The following ZFAND3 variants were observed in gnomAD, a reference collection of about 807,000 sequenced individuals.
ZFAND3 encodes the protein AN1-type zinc finger protein 3.
ZFAND3 carries 10 observed loss-of-function variants against 29.6 expected under a neutral mutation model. That is an observed-to-expected ratio of 0.34 (90% confidence interval 0.21 to 0.57). ZFAND3 has a LOEUF of 0.57. Ranked by LOEUF, ZFAND3 falls within the 20% of genes least tolerant of loss-of-function variation. The probability of loss-of-function intolerance (pLI) is 0.86; values close to 1 mark genes in which losing one functional copy is unlikely to be tolerated. For missense variants in ZFAND3, 230 were observed against 304.5 expected, an observed-to-expected ratio of 0.76 and a Z score of 1.82; for synonymous variants, 128 against 112.6, an observed-to-expected ratio of 1.14 and a Z score of -0.87.
intron 5 of ZFAND3, among the ~76,000 whole-genome samples, chr6:38,148,961 C>T (rs182856893): frequency 1.1e-4 from 17 of 152,220 alleles, no homozygotes; most frequent in African/African-American, 3.9e-4. Flanking sequence ...AGAGTTTCCC[C>T]CAAAGTTTTC....
chr6:37,978,376 T>A (rs1466358575), intron 2 of ZFAND3, among the ~76,000 whole-genome samples: 1 of 152,214 alleles, frequency 6.6e-6, no homozygotes, highest in East Asian at 1.9e-4. Flanking sequence ...TCATCATGGA[T>A]GTTGGTCTGT....
At position 38,144,204 on chromosome 6, in the gene ZFAND3, T is replaced by TA. The variant is rs1554183984; in HGVS notation, c.530-8030dup. On this transcript the variant is annotated intron_variant, in intron 5 of 5. Transcript: ENST00000287218. ...TATATAATATATATATATATATATATATATATAATATATAATATATATATA... is the reference window on the plus strand; with the variant it reads ...TATATAATATATATATATATATATATAATATATAATATATAATATATATATA... 6.2e-4 allele frequency among the ~76,000 whole-genome samples: 29 copies of TA among 47,048 alleles called. 2 individuals carry two copies. The highest frequency in any genetic ancestry group is 3.1e-3 in the African/African-American group (24 of 7,836). 30.9% of individuals were successfully genotyped at this position (47,048 alleles called of 152,430 possible).
At chr6:38,094,458 A>T (rs1246168083) in intron 4 of ZFAND3, among the ~76,000 whole-genome samples, 1 of 152,230 alleles carries the variant, frequency 6.6e-6, no homozygotes, top group East Asian at 1.9e-4. Context: ...AATAACTTGG[A>T]TATGATCCTA....
At chr6:38,024,312 A>T (rs1187848650) in intron 2 of ZFAND3, among the ~76,000 whole-genome samples, 1 of 151,950 alleles carries the variant, frequency 6.6e-6, no homozygotes, top group Non-Finnish European at 1.5e-5. Context: ...CTACTAAAAA[A>T]TACAAAGAAT....
chr6:38,080,025 A>G (rs917675300), intron 3 of ZFAND3, among the ~76,000 whole-genome samples: 3 of 151,752 alleles, frequency 2.0e-5, no homozygotes, highest in African/African-American at 7.3e-5. Context: ...CATTCTCTCA[A>G]ATGTTACACC....
chr6:38,053,832 A>G (rs967326505), intron 2 of ZFAND3, among the ~76,000 whole-genome samples: 4 of 152,198 alleles, frequency 2.6e-5, no homozygotes, highest in African/African-American at 9.7e-5. Flanking sequence ...GGGGGATACA[A>G]AATTAAGAAG....
chr6:38,106,148 G>T (rs1355608093), intron 4 of ZFAND3, among the ~76,000 whole-genome samples: 1 of 150,120 alleles, frequency 6.7e-6, no homozygotes, highest in Non-Finnish European at 1.5e-5. Flanking sequence ...ACATACAAAT[G>T]ACATTCTTTT....
In ZFAND3 at chr6:37,889,884, A is replaced by G. The variant is rs144492320; in HGVS notation, c.72-40075A>G. Among the ~76,000 whole-genome samples, 772 of 152,380 alleles carry G rather than the reference A, an allele frequency of 5.1e-3. 9 individuals carry two copies. The highest frequency in any genetic ancestry group is 0.017 in the African/African-American group (725 of 41,594). On this transcript the variant is annotated intron_variant, in intron 1 of 5. Coordinates refer to ENST00000287218, the MANE Select transcript of ZFAND3 (RefSeq NM_021943.3). ...AAGCTACATAATACATATTTTAAGC[A>G]GCGATTTATTTCTGATTATTTTTGC... is the stretch of plus-strand genomic sequence containing the variant.
chr6:37,864,329 A>C (rs1165319511), intron 1 of ZFAND3, among the ~76,000 whole-genome samples: 1 of 152,010 alleles, frequency 6.6e-6, no homozygotes, highest in African/African-American at 2.4e-5. Context: ...GATTTAAGTA[A>C]AAATTCAAAT....
intron 1 of ZFAND3, among the ~76,000 whole-genome samples, chr6:37,820,415 A>C (rs1763643622): frequency 6.6e-6 from 1 of 152,176 alleles, no homozygotes; most frequent in Non-Finnish European, 1.5e-5. Flanking sequence ...GTTGGTGCCC[A>C]GGCACTAGGA....
intron 2 of ZFAND3, among the ~76,000 whole-genome samples, chr6:38,037,822 A>T (rs762611575): frequency 2.7e-4 from 41 of 152,190 alleles, no homozygotes; most frequent in Non-Finnish European, 5.7e-4. Flanking sequence ...CTGTTCACCA[A>T]GTAGAAATAA....
chr6:37,849,219 C>CA (rs1581706695), intron 1 of ZFAND3, among the ~76,000 whole-genome samples: 1 of 152,110 alleles, frequency 6.6e-6, no homozygotes, highest in East Asian at 1.9e-4. Context: ...GGACCATAGA[C>CA]ACACTGCATT....
At chr6:37,884,288 G>A (rs1255239578) in intron 1 of ZFAND3, among the ~76,000 whole-genome samples, 1 of 144,172 alleles carries the variant, frequency 6.9e-6, no homozygotes, top group East Asian at 2.0e-4. Flanking sequence ...GAGGTCGAGA[G>A]TTTGAGACCA....
chr6:37,826,513 C>T (rs540593167), intron 1 of ZFAND3, among the ~76,000 whole-genome samples: 3 of 152,112 alleles, frequency 2.0e-5, no homozygotes, highest in South Asian at 2.1e-4. Context: ...CAGCACTTTG[C>T]GAGGCCAAGG....
At chr6:37,931,774 A>G (rs768384635) in intron 2 of ZFAND3, among the ~76,000 whole-genome samples, 3 of 152,056 alleles carry the variant, frequency 2.0e-5, no homozygotes, top group Non-Finnish European at 2.9e-5. Flanking sequence ...TCATTATGCT[A>G]TTTGGGCAAG....
At chr6:37,872,796 C>CT (rs1160122281) in intron 1 of ZFAND3, among the ~76,000 whole-genome samples, 1 of 152,166 alleles carries the variant, frequency 6.6e-6, no homozygotes, top group Non-Finnish European at 1.5e-5. Flanking sequence ...ATTTGGATTA[C>CT]TTTCAGTCTG....
chr6:38,032,587 G>A lies in ZFAND3; in HGVS notation c.113-29006G>A, dbSNP rs540411313. ...ATGTACTGAAGAACTCTTGGGAAAG[G>A]TAGAGGTCTAATTGTTTTCAAAGGG... On this transcript the variant is annotated intron_variant, in intron 2 of 5. Coordinates refer to ENST00000287218, the MANE Select transcript of ZFAND3 (RefSeq NM_021943.3). Among the ~76,000 whole-genome samples, 58 of 152,316 alleles carry A rather than the reference G, an allele frequency of 3.8e-4. 2 individuals are homozygous for A. The South Asian group carries it at 5.8e-3, about 15-fold the overall frequency.
intron 5 of ZFAND3, chr6:38,142,922 A>G (rs532398591): frequency 6.5e-6 from 1 of 153,420 alleles, no homozygotes; most frequent in East Asian, 1.9e-4. Context: ...ACAGCCTAGC[A>G]TATGAGCCTG....
intron 4 of ZFAND3, among the ~76,000 whole-genome samples, chr6:38,095,251 G>A (rs913326739): frequency 3.3e-5 from 5 of 152,106 alleles, no homozygotes; most frequent in Admixed American, 2.0e-4. Context: ...TAGCATCTGT[G>A]AGCCATTGCA....
Sources: gnomAD v4.1 joint callset for allele counts (sites outside exome capture counted in the v4.1 genomes callset) on GRCh38, gnomAD v4.1.1 for gene constraint, MANE v1.5 for transcripts, NCBI Gene and HGNC (gene_info 2026-07-23, HGNC 2026-07-21) for gene names.